The following TGM5 variants were observed in gnomAD, a reference collection of about 807,000 sequenced individuals.
TGM5 encodes protein-glutamine gamma-glutamyltransferase 5.
TGM5 carries 69 observed loss-of-function variants against 77.2 expected under a neutral mutation model. The observed-to-expected ratio is 0.89, with a 90% CI of 0.74 to 1.09. TGM5 has a LOEUF of 1.09. TGM5 is among the 50% of genes least tolerant of loss of function. The pLI is 0.00. For synonymous variants in TGM5, 346 were observed against 351.8 expected (o/e 0.98, Z 0.18); for missense variants, 842 against 896.5 (o/e 0.94, Z 0.78).
intron 9 of TGM5, among the ~76,000 whole-genome samples, chr15:43,237,821 C>G (rs1272865888): frequency 1.3e-5 from 2 of 152,246 alleles, no homozygotes; most frequent in Non-Finnish European, 2.9e-5. Context: ...TGAAAATGTA[C>G]TCTTACATCC....
At chr15:43,241,109 G>T (rs1052724165) in intron 6 of TGM5, 119 bp from the exon 7 acceptor site, 1 of 1,309,168 alleles carries the variant, frequency 7.6e-7, no homozygotes, top group Non-Finnish European at 1.1e-6. Flanking sequence ...GAACATGCTG[G>T]AGCTGTCTGG....
chr15:43,261,074 G>GTTTTTT (rs1387299009), intron 1 of TGM5, among the ~76,000 whole-genome samples: 19 of 73,868 alleles, frequency 2.6e-4, no homozygotes, highest in Non-Finnish European at 4.1e-4. Flanking sequence ...TTTTGTGTGT[G>GTTTTTT]TGTTTTTTTT....
chr15:43,239,298 A>G (rs754318518), intron 7 of TGM5, 32 bp from the exon 8 acceptor site: 1 of 1,606,174 alleles, frequency 6.2e-7, no homozygotes, highest in South Asian at 1.1e-5. Flanking sequence ...GAGACGTTGT[A>G]CTGCTTGGTC....
intron 3 of TGM5, among the ~76,000 whole-genome samples, chr15:43,258,325 C>G (rs951793253): frequency 6.7e-5 from 10 of 149,052 alleles, no homozygotes; most frequent in African/African-American, 2.6e-4. Flanking sequence ...GTACATCAAA[C>G]CAAACCTCTG....
chr15:43,261,059 C>CTTTTT (rs2042782327), intron 1 of TGM5, among the ~76,000 whole-genome samples: 2 of 88,336 alleles, frequency 2.3e-5, no homozygotes, highest in African/African-American at 1.2e-4. Flanking sequence ...AGCTGCTCTT[C>CTTTTT]CTTTTTTTGT....
At chr15:43,249,635 C>T (rs1403291220) in intron 6 of TGM5, among the ~76,000 whole-genome samples, 4 of 152,170 alleles carry the variant, frequency 2.6e-5, no homozygotes, top group East Asian at 3.9e-4. Context: ...AGACCTCAGC[C>T]GAGGGCTGAG....
At chr15:43,238,757 G>C in intron 9 of TGM5, 60 bp downstream of exon 9, 1 of 1,600,714 alleles carries the variant, frequency 6.2e-7, no homozygotes, top group South Asian at 1.1e-5. Flanking sequence ...CTGGCTCCCT[G>C]GGGTAGGGGA....
At chr15:43,257,519 A>G (rs1297257350) in intron 3 of TGM5, among the ~76,000 whole-genome samples, 1 of 152,202 alleles carries the variant, frequency 6.6e-6, no homozygotes, top group Non-Finnish European at 1.5e-5. Context: ...CATTGAAAGT[A>G]ATGGAGCTTA....
At chr15:43,266,746 T>C in intron 1 of TGM5, 94 bp downstream of exon 1, 1 of 1,506,916 alleles carries the variant, frequency 6.6e-7, no homozygotes, top group Non-Finnish European at 9.2e-7. Flanking sequence ...TACTTCTTTA[T>C]TTCTCTGAAT....
intron 4 of TGM5, among the ~76,000 whole-genome samples, chr15:43,256,300 C>T (rs1007908065): frequency 1.3e-5 from 2 of 152,196 alleles, no homozygotes; most frequent in African/African-American, 4.8e-5. Context: ...CCATCTTCAC[C>T]CTCATGCTCA....
chr15:43,239,145 T>C lies in TGM5; in HGVS notation c.1105+18A>G. ...TTTCCACGGGAGCGGGGCCTGCCTT[T>C]CTTCTGGAGAGCCTCACCGTTGCTC... On this transcript the variant is annotated intron_variant, in intron 8 of 12. Coordinates refer to ENST00000220420, the MANE Select transcript of TGM5 (RefSeq NM_201631.4). 1 of 1,614,068 alleles carries C rather than the reference T, an allele frequency of 6.2e-7. No homozygotes were observed.
intron 9 of TGM5, among the ~76,000 whole-genome samples, chr15:43,238,595 A>G (rs1383252665): frequency 6.6e-6 from 1 of 152,254 alleles, no homozygotes; most frequent in Non-Finnish European, 1.5e-5. Context: ...TCCACGGTCC[A>G]TGTCAGCGCC....
chr15:43,240,756 G>A, intron 7 of TGM5, 96 bp downstream of exon 7: 2 of 1,541,014 alleles, frequency 1.3e-6, no homozygotes, highest in Non-Finnish European at 8.9e-7. Context: ...TGAAGGGGAG[G>A]GACCAGGCTC....
chr15:43,253,389 C>T (rs1175933107), intron 5 of TGM5, 117 bp downstream of exon 5: 11 of 1,444,708 alleles, frequency 7.6e-6, no homozygotes, highest in Non-Finnish European at 1.0e-5. Context: ...GCGTCAGTCT[C>T]ATCCAAGATG....
chr15:43,265,694 T>C (rs1239098437), intron 1 of TGM5, among the ~76,000 whole-genome samples: 2 of 152,230 alleles, frequency 1.3e-5, no homozygotes, highest in African/African-American at 2.4e-5. Context: ...GTGATCTTAG[T>C]AGTTATCCTA....
chr15:43,258,727 C>T (rs2042761799), intron 3 of TGM5, among the ~76,000 whole-genome samples: 1 of 152,196 alleles, frequency 6.6e-6, no homozygotes, highest in Non-Finnish European at 1.5e-5. Context: ...TCCTGCAGCA[C>T]CACAGGGCAC....
At position 43,233,074 on chromosome 15, in the gene TGM5, G is replaced by T; in HGVS notation, c.*117C>A. The T allele has an allele frequency of 2.4e-6, 3 of 1,274,730 alleles. No homozygotes were observed. Among genetic ancestry groups the T allele is most frequent in the Non-Finnish European group, 3.3e-6 (3 of 905,478 alleles). The allele number at this position is 1,274,730 out of a possible 1,614,324, so 79.0% of individuals were successfully genotyped here. On this transcript the variant is annotated 3_prime_UTR_variant, in exon 13 of 13. Transcript: ENST00000220420. The stretch of plus-strand genomic sequence containing the variant: ...AAATGAACACGTCATCCCCTCTGTG[G>T]CTCTTGCTGGAGCCCTGTGAAGCCT...
intron 3 of TGM5, among the ~76,000 whole-genome samples, chr15:43,257,723 A>G (rs2042752503): frequency 6.6e-6 from 1 of 152,220 alleles, no homozygotes; most frequent in South Asian, 2.1e-4. Context: ...CCATACCATT[A>G]CTGGGCATAT....
Position 43,266,857 on chromosome 15 carries a change from G to A in TGM5, c.-8C>T. The A allele has an allele frequency of 6.2e-7, 1 of 1,614,100 alleles. No homozygotes were observed. The highest frequency in any genetic ancestry group is 8.5e-7 in the Non-Finnish European group (1 of 1,180,026). Reference sequence around the variant, plus strand: ...TTCCCTACCTTGGGCCATGGTAGCTGCCTCCGGTTCCTGGGATGCTCCCCA... The same window carrying A: ...TTCCCTACCTTGGGCCATGGTAGCTACCTCCGGTTCCTGGGATGCTCCCCA... On this transcript the variant is annotated 5_prime_UTR_variant, in exon 1 of 13. Coordinates refer to ENST00000220420, the MANE Select transcript of TGM5 (RefSeq NM_201631.4).
Sources: gnomAD v4.1 joint callset for allele counts (sites outside exome capture counted in the v4.1 genomes callset) on GRCh38, gnomAD v4.1.1 for gene constraint, MANE v1.5 for transcripts, NCBI Gene and HGNC (gene_info 2026-07-23, HGNC 2026-07-21) for gene names.